PCCA: variants seen among roughly 807,000 people sequenced by gnomAD.
PCCA encodes propionyl-CoA carboxylase subunit alpha.
Under a neutral mutation model 101.3 loss-of-function variants are expected in PCCA, and 74 were observed. The ratio of observed to expected loss-of-function variants is 0.73; its 90% CI spans 0.61 to 0.89. PCCA has a LOEUF of 0.89. Among genes scored for constraint, PCCA ranks in the 40% least tolerant of loss-of-function variants. The probability of loss-of-function intolerance (pLI) is 0.00; values close to 1 mark genes in which losing one functional copy is unlikely to be tolerated. For missense variants in PCCA, 891 were observed against 907.0 expected, an observed-to-expected ratio of 0.98 and a Z score of 0.23; for synonymous variants, 294 against 313.6, an observed-to-expected ratio of 0.94 and a Z score of 0.66.
chr13:100,105,657 CAAAA>C (rs34277733), intron 2 of PCCA, among the ~76,000 whole-genome samples: 18 of 75,860 alleles, frequency 2.4e-4, no homozygotes, highest in Admixed American at 5.0e-4. Flanking sequence ...CTGTCTCTAC[CAAAA>C]AAAAAAAAAA....
chr13:100,170,353 G>T (rs1409976581), intron 6 of PCCA, among the ~76,000 whole-genome samples: 4 of 152,166 alleles, frequency 2.6e-5, no homozygotes, highest in African/African-American at 7.2e-5. Flanking sequence ...TGTAGTTAAT[G>T]ATTCTTGTTG....
chr13:100,483,570 C>T (rs1377498054), intron 21 of PCCA, among the ~76,000 whole-genome samples: 1 of 152,172 alleles, frequency 6.6e-6, no homozygotes, highest in Non-Finnish European at 1.5e-5. Context: ...CCCTCTTGGT[C>T]TTCTTTTGGA....
intron 19 of PCCA, among the ~76,000 whole-genome samples, chr13:100,411,462 G>A (rs1253800694): frequency 6.6e-6 from 1 of 152,106 alleles, no homozygotes; most frequent in Non-Finnish European, 1.5e-5. Flanking sequence ...GCTGAAAAAA[G>A]CACAACATTA....
intron 22 of PCCA, among the ~76,000 whole-genome samples, chr13:100,521,870 C>G (rs2087326767): frequency 6.6e-6 from 1 of 152,236 alleles, no homozygotes; most frequent in African/African-American, 2.4e-5. Context: ...GAAGTGGAAA[C>G]TGCAGCGGGC....
chr13:100,150,965 T>C, intron 4 of PCCA: 1 of 1,517,958 alleles, frequency 6.6e-7, no homozygotes, highest in South Asian at 1.1e-5. Context: ...TTTATCAGGC[T>C]GGGTGGGGCG....
At chr13:100,280,033 A>G (rs866085186) in intron 12 of PCCA, among the ~76,000 whole-genome samples, 25 of 149,242 alleles carry the variant, frequency 1.7e-4, no homozygotes, top group South Asian at 4.2e-4. Context: ...TTTTGGTAAC[A>G]GAAATGCATC....
At chr13:100,129,283 T>G (rs1354017286) in intron 4 of PCCA, among the ~76,000 whole-genome samples, 1 of 152,236 alleles carries the variant, frequency 6.6e-6, no homozygotes, top group African/African-American at 2.4e-5. Context: ...CTTTTAATCT[T>G]TTAGACTGAT....
intron 18 of PCCA, among the ~76,000 whole-genome samples, chr13:100,357,066 C>T (rs1269337908): frequency 2.0e-5 from 3 of 152,084 alleles, no homozygotes; most frequent in Admixed American, 6.5e-5. Context: ...TAACTGCTCT[C>T]GTATCTAATG....
chr13:100,140,250 G>A (rs1404348028), intron 4 of PCCA, among the ~76,000 whole-genome samples: 2 of 152,270 alleles, frequency 1.3e-5, no homozygotes, highest in Middle Eastern at 3.4e-3. Context: ...AGCACAGAGA[G>A]AGCAGAAAAA....
At chr13:100,118,115 C>CAA (rs1294806714) in intron 4 of PCCA, among the ~76,000 whole-genome samples, 1 of 90,440 alleles carries the variant, frequency 1.1e-5, no homozygotes. Flanking sequence ...GACTCCATCT[C>CAA]AAAAAAAAAG....
intron 16 of PCCA, among the ~76,000 whole-genome samples, chr13:100,317,718 C>G (rs1381414855): frequency 6.6e-6 from 1 of 152,172 alleles, no homozygotes; most frequent in Admixed American, 6.5e-5. Context: ...TCCCTGGTAG[C>G]TGGGACTACA....
intron 17 of PCCA, among the ~76,000 whole-genome samples, chr13:100,335,391 T>A (rs1189631452): frequency 6.6e-6 from 1 of 152,228 alleles, no homozygotes; most frequent in African/African-American, 2.4e-5. Flanking sequence ...AGATGATTCT[T>A]AACTGACTTA....
At chr13:100,297,124 T>C (rs764136244) in intron 12 of PCCA, among the ~76,000 whole-genome samples, 23 of 152,242 alleles carry the variant, frequency 1.5e-4, no homozygotes, top group Non-Finnish European at 3.1e-4. Flanking sequence ...ACTGTCCATC[T>C]ATGAGCACCA....
intron 12 of PCCA, among the ~76,000 whole-genome samples, chr13:100,281,035 G>A (rs2064064909): frequency 6.6e-6 from 1 of 152,020 alleles, no homozygotes; most frequent in African/African-American, 2.4e-5. Flanking sequence ...AAAAAAATCC[G>A]CCTCGGTGAT....
chr13:100,091,095 C>G (rs531868192), intron 1 of PCCA, among the ~76,000 whole-genome samples: 1 of 151,962 alleles, frequency 6.6e-6, no homozygotes, highest in Non-Finnish European at 1.5e-5. Context: ...GGCTCTGATG[C>G]AGAGAGTAGA....
At chr13:100,382,520 A>G (rs2076285419) in intron 19 of PCCA, among the ~76,000 whole-genome samples, 1 of 152,178 alleles carries the variant, frequency 6.6e-6, no homozygotes, top group Non-Finnish European at 1.5e-5. Flanking sequence ...GAACTTCACC[A>G]GGGACCCACA....
chr13:100,469,695 G>A (rs1272540648), intron 21 of PCCA, among the ~76,000 whole-genome samples: 1 of 151,834 alleles, frequency 6.6e-6, no homozygotes, highest in Non-Finnish European at 1.5e-5. Flanking sequence ...CAGGAGAATC[G>A]CTTGAAACCC....
chr13:100,483,517 G>A (rs978089427), intron 21 of PCCA, among the ~76,000 whole-genome samples: 1 of 152,190 alleles, frequency 6.6e-6, no homozygotes, highest in African/African-American at 2.4e-5. Flanking sequence ...CCCAGGCAAA[G>A]ACTCTTAAGT....
chr13:100,187,262 A>C (rs2057359286), intron 6 of PCCA, among the ~76,000 whole-genome samples: 1 of 152,196 alleles, frequency 6.6e-6, no homozygotes, highest in Admixed American at 6.5e-5. Context: ...CCATGATTAA[A>C]AAAATTGGAG....
Sources: allele counts gnomAD v4.1 joint callset (sites outside exome capture counted in the v4.1 genomes callset), GRCh38; gene constraint gnomAD v4.1.1; transcripts MANE v1.5; gene names NCBI Gene and HGNC (gene_info 2026-07-23, HGNC 2026-07-21).